ARF1: variants seen among roughly 807,000 people sequenced by gnomAD.
ARF1 encodes the protein ARF GTPase 1.
A neutral mutation model predicts 18.0 loss-of-function variants in ARF1; 1 was observed. The ratio of observed to expected loss-of-function variants is 0.06; its 90% CI spans 0.02 to 0.26. The LOEUF (loss-of-function observed/expected upper bound fraction) is 0.26, where lower values mean the gene tolerates loss of function less well. ARF1 is among the 10% of genes least tolerant of loss of function. ARF1 has a pLI of 1.00. For missense variants in ARF1, 73 were observed against 247.2 expected (o/e 0.30, Z 4.73); for synonymous variants, 112 against 96.3 (o/e 1.16, Z -0.95).
At position 228,098,261 on chromosome 1, in the gene ARF1, AG is replaced by A. The variant is rs2124859073; in HGVS notation, c.*249del. 2.5e-6 allele frequency: 1 copy of A among 401,450 alleles called. No individual in the cohort carries two copies. Among genetic ancestry groups the A allele is most frequent in the East Asian group, 4.5e-5 (1 of 22,064 alleles). The allele number at this position is 401,450 out of a possible 1,614,324, so 24.9% of individuals were successfully genotyped here. The stretch of plus-strand genomic sequence containing the variant: ...TTACTCAGCTTTTTTTATTGTAAAA[AG>A]AAAAATCAACTCACTGTTCAGTGCT... On this transcript the variant is annotated 3_prime_UTR_variant, in exon 5 of 5. Coordinates refer to ENST00000272102, the MANE Select transcript of ARF1 (RefSeq NM_001658.4).
chr1:228,086,689 C>A (rs1391436630), intron 1 of ARF1, among the ~76,000 whole-genome samples: 2 of 152,102 alleles, frequency 1.3e-5, no homozygotes, highest in African/African-American at 4.8e-5. Context: ...CCTCATACAC[C>A]GCCCACTGCA....
Position 228,097,779 on chromosome 1 carries a change from GT to G in ARF1, c.384+66del. 1 of 1,588,746 alleles carries G rather than the reference GT, an allele frequency of 6.3e-7. No individual in the cohort carries two copies. ...GTGTGGGTTCCGCCTGGTGGTAGGG[GT>G]TACTGGAGGCTGGTGGGGCCCCTTT... On this transcript the variant is annotated intron_variant, in intron 4 of 4. Coordinates refer to ENST00000272102, the MANE Select transcript of ARF1 (RefSeq NM_001658.4). This position sits in a 1 kb window ranked among gnomAD's most constrained non-coding sequence, Gnocchi z 8.1.
chr1:228,088,747 C>T (rs371394465), intron 1 of ARF1, among the ~76,000 whole-genome samples: 1 of 152,100 alleles, frequency 6.6e-6, no homozygotes, highest in Non-Finnish European at 1.5e-5. Flanking sequence ...TGGCCGCCAC[C>T]CTTGGTCCTC....
chr1:228,098,117 T>G lies in ARF1; in HGVS notation c.*104T>G. 1.4e-6 allele frequency: 2 copies of G among 1,416,990 alleles called. No individual in the cohort carries two copies. The highest frequency in any genetic ancestry group is 1.9e-6 in the Non-Finnish European group (2 of 1,045,118). The allele number at this position is 1,416,990 out of a possible 1,614,324, so 87.8% of individuals were successfully genotyped here. ...GCCAGAAGCTGCCTCCGTGGTTTGG[T>G]CACCGTGTGCATCGCACCGTGCTGT... is the stretch of plus-strand genomic sequence containing the variant. On this transcript the variant is annotated 3_prime_UTR_variant, in exon 5 of 5. Coordinates refer to ENST00000272102, the MANE Select transcript of ARF1 (RefSeq NM_001658.4).
At position 228,097,520 on chromosome 1, in the gene ARF1, G is replaced by T; in HGVS notation, c.259+68G>T. 1.2e-6 allele frequency: 2 copies of T among 1,613,890 alleles called. No homozygotes were observed. On this transcript the variant is annotated intron_variant, in intron 3 of 4. Coordinates refer to ENST00000272102, the MANE Select transcript of ARF1 (RefSeq NM_001658.4). The surrounding 1 kb of genome is among the most constrained non-coding windows in gnomAD (Gnocchi z 8.1). Reference sequence around the variant, plus strand: ...GAGAGGGGGGGCCAGCCCATAGATGGGGCATCGATGCCCATAGATGCGGCA... The same window carrying T: ...GAGAGGGGGGGCCAGCCCATAGATGTGGCATCGATGCCCATAGATGCGGCA...
At chr1:228,084,576 T>C (rs1418838028) in intron 1 of ARF1, among the ~76,000 whole-genome samples, 1 of 152,222 alleles carries the variant, frequency 6.6e-6, no homozygotes, top group African/African-American at 2.4e-5. Flanking sequence ...TTGTACATCA[T>C]GTGGTCTAGC....
rs1371310832 is a variant in ARF1, at chr1:228,098,153, G to C, written c.*140G>C. 1.9e-6 allele frequency: 2 copies of C among 1,039,698 alleles called. No individual in the cohort carries two copies. Among genetic ancestry groups the C allele is most frequent in the South Asian group, 2.2e-5 (1 of 45,822 alleles). The allele number at this position is 1,039,698 out of a possible 1,614,324, so 64.4% of individuals were successfully genotyped here. ...ATCGCACCGTGCTGTAAATGTGGCA[G>C]ACGCAGCCTGCGGCCAGGCTTTTTA... On this transcript the variant is annotated 3_prime_UTR_variant, in exon 5 of 5. Transcript: ENST00000272102.
chr1:228,096,087 C>T (rs1181268892), intron 1 of ARF1, among the ~76,000 whole-genome samples: 1 of 152,146 alleles, frequency 6.6e-6, no homozygotes, highest in African/African-American at 2.4e-5. Context: ...TGGGCTCTTG[C>T]TGATGTTGAG....
intron 1 of ARF1, among the ~76,000 whole-genome samples, chr1:228,086,502 C>T (rs562533215): frequency 1.2e-3 from 178 of 147,796 alleles, no homozygotes; most frequent in African/African-American, 4.3e-3. Flanking sequence ...GGCAACAGAG[C>T]GAGACTTTGT....
chr1:228,097,804 TTC>T lies in ARF1; in HGVS notation c.385-44_385-43del, dbSNP rs1237301488. 1.3e-6 allele frequency: 2 copies of T among 1,591,446 alleles called. No homozygotes were observed. Among genetic ancestry groups the T allele is most frequent in the Non-Finnish European group, 1.7e-6 (2 of 1,167,036 alleles). ...GTTACTGGAGGCTGGTGGGGCCCCT[TTC>T]TCTGTCCTGTGGACAGCCCTTCCCA... On this transcript the variant is annotated intron_variant, in intron 4 of 4. Coordinates refer to ENST00000272102, the MANE Select transcript of ARF1 (RefSeq NM_001658.4). The surrounding 1 kb of genome is among the most constrained non-coding windows in gnomAD (Gnocchi z 8.1).
intron 1 of ARF1, among the ~76,000 whole-genome samples, chr1:228,096,007 C>G (rs1023011125): frequency 4.6e-5 from 7 of 152,236 alleles, no homozygotes; most frequent in African/African-American, 1.7e-4. Flanking sequence ...TGTGGCTCAT[C>G]TGGGATGATG....
At chr1:228,086,604 T>C (rs1420945659) in intron 1 of ARF1, among the ~76,000 whole-genome samples, 1 of 152,084 alleles carries the variant, frequency 6.6e-6, no homozygotes, top group East Asian at 1.9e-4. Context: ...TTCAGAGAGC[T>C]TCCAGAAAGC....
intron 1 of ARF1, among the ~76,000 whole-genome samples, chr1:228,087,094 A>G (rs1040835698): frequency 1.3e-5 from 2 of 152,202 alleles, no homozygotes; most frequent in African/African-American, 2.4e-5. Flanking sequence ...TTCTAGGCAG[A>G]ATGTATTAAA....
chr1:228,086,243 T>C (rs1013088026), intron 1 of ARF1, among the ~76,000 whole-genome samples: 3 of 152,232 alleles, frequency 2.0e-5, no homozygotes, highest in African/African-American at 7.2e-5. Context: ...AGGCTGGGCG[T>C]AGTGCCTCAC....
In ARF1 at chr1:228,097,100, C is replaced by T. The variant is rs764037349; in HGVS notation, c.-15C>T. On this transcript the variant is annotated 5_prime_UTR_variant, in exon 2 of 5. Transcript: ENST00000272102. This position sits in a 1 kb window ranked among gnomAD's most constrained non-coding sequence, Gnocchi z 8.1. Reference sequence around the variant, plus strand: ...CAGGTGTCCCTGGCCAGTGTCCTTCCACCTGTCCACAAGCATGGGGAACAT... The same window carrying T: ...CAGGTGTCCCTGGCCAGTGTCCTTCTACCTGTCCACAAGCATGGGGAACAT... 1.9e-6 allele frequency: 3 copies of T among 1,586,958 alleles called. No individual in the cohort carries two copies. Among genetic ancestry groups the T allele is most frequent in the Non-Finnish European group, 2.6e-6 (3 of 1,166,172 alleles).
In ARF1 at chr1:228,097,683, G is replaced by T; in HGVS notation, c.352G>T (p.Asp118Tyr). ...GATGCTGGCCGAGGACGAGCTCCGG[G>T]ATGCTGTCCTCCTGGTGTTCGCCAA... ...MRMLAEDELR[D>Y]AVLLVFANKQ... The change falls in exon 4 of 5, where the codon GAT becomes TAT. Residue 118 changes from aspartate to tyrosine, a missense_variant. By Grantham distance (160) the Asp-to-Tyr change is radical. This residue lies in a region of ARF1 where 48 missense variants were observed against 144.7 expected (regional missense o/e 0.33). Transcript: ENST00000272102. This position sits in a 1 kb window ranked among gnomAD's most constrained non-coding sequence, Gnocchi z 8.1. The T allele has an allele frequency of 6.2e-7, 1 of 1,613,524 alleles. No individual in the cohort carries two copies. Among genetic ancestry groups the T allele is most frequent in the Non-Finnish European group, 8.5e-7 (1 of 1,179,624 alleles).
chr1:228,098,051 C>T lies in ARF1; in HGVS notation c.*38C>T, dbSNP rs895067230. The T allele has an allele frequency of 4.4e-6, 7 of 1,576,318 alleles. No individual in the cohort carries two copies. Among genetic ancestry groups the T allele is most frequent in the Non-Finnish European group, 5.2e-6 (6 of 1,158,100 alleles). Reference sequence around the variant, plus strand: ...TCCCTCTCACTCCTCTTGCCCTCTGCTTTACTCTCATGTGGCAAACGTGCG... The same window carrying T: ...TCCCTCTCACTCCTCTTGCCCTCTGTTTTACTCTCATGTGGCAAACGTGCG... On this transcript the variant is annotated 3_prime_UTR_variant, in exon 5 of 5. Transcript: ENST00000272102.
Position 228,097,542 on chromosome 1 carries a change from G to A in ARF1, c.260-49G>A, listed in dbSNP as rs117028801. The A allele has an allele frequency of 3.1e-3, 4,941 of 1,613,814 alleles. 127 individuals are homozygous for A. In the Admixed American group the frequency reaches 0.043, roughly 14 times the overall value. On this transcript the variant is annotated intron_variant, in intron 3 of 4. Coordinates refer to ENST00000272102, the MANE Select transcript of ARF1 (RefSeq NM_001658.4). This position sits in a 1 kb window ranked among gnomAD's most constrained non-coding sequence, Gnocchi z 8.1. Reference sequence around the variant, plus strand: ...ATGGGGCATCGATGCCCATAGATGCGGCAGGGGGGCTGTGTTCCCATGACC... The same window carrying A: ...ATGGGGCATCGATGCCCATAGATGCAGCAGGGGGGCTGTGTTCCCATGACC...
intron 1 of ARF1, among the ~76,000 whole-genome samples, chr1:228,092,020 T>C (rs186630111): frequency 1.1e-4 from 16 of 152,316 alleles, no homozygotes; most frequent in African/African-American, 3.4e-4. Context: ...TGTTATGTAA[T>C]GTACATGAGT....
Sources: gnomAD v4.1 joint callset for allele counts (sites outside exome capture counted in the v4.1 genomes callset) on GRCh38, gnomAD v4.1.1 for gene constraint, gnomAD v4.1.1 regional missense constraint, Gnocchi (gnomAD v3.1) non-coding constraint, MANE v1.5 for transcripts, NCBI Gene and HGNC (gene_info 2026-07-23, HGNC 2026-07-21) for gene names.